The following CADM1 variants were observed in gnomAD, a reference collection of about 807,000 sequenced individuals.
The protein encoded by CADM1 is TSLC-1.
CADM1 carries 15 observed loss-of-function variants against 53.1 expected under a neutral mutation model. That is an observed-to-expected ratio of 0.28 (90% CI 0.19 to 0.44). The LOEUF is 0.44. Among genes scored for constraint, CADM1 ranks in the 20% least tolerant of loss-of-function variants. CADM1 has a pLI of 1.00. For synonymous variants in CADM1, 281 were observed against 243.0 expected, an observed-to-expected ratio of 1.16 and a Z score of -1.45; for missense variants, 434 against 611.3, an observed-to-expected ratio of 0.71 and a Z score of 3.06.
intron 1 of CADM1, among the ~76,000 whole-genome samples, chr11:115,433,131 C>A (rs914301402): frequency 3.3e-5 from 5 of 152,112 alleles, no homozygotes; most frequent in Admixed American, 1.3e-4. Context: ...GACCACCCCC[C>A]CACCCAAACA....
intron 1 of CADM1, among the ~76,000 whole-genome samples, chr11:115,329,332 T>A (rs1591713659): frequency 6.6e-6 from 1 of 152,186 alleles, no homozygotes; most frequent in Non-Finnish European, 1.5e-5. Flanking sequence ...TCCACAATAA[T>A]CTCCATCAGT....
chr11:115,373,916 C>T (rs1321691937), intron 1 of CADM1, among the ~76,000 whole-genome samples: 3 of 152,132 alleles, frequency 2.0e-5, no homozygotes, highest in Non-Finnish European at 2.9e-5. Flanking sequence ...GTGAAAGCTA[C>T]GTAGTCTTGA....
intron 1 of CADM1, among the ~76,000 whole-genome samples, chr11:115,400,312 A>G (rs1422063342): frequency 6.6e-6 from 1 of 151,762 alleles, no homozygotes; most frequent in East Asian, 1.9e-4. Context: ...CAAGTGAAAG[A>G]GTGTGGTTTT....
chr11:115,252,767 A>C (rs1942647676), intron 1 of CADM1, among the ~76,000 whole-genome samples: 1 of 152,214 alleles, frequency 6.6e-6, no homozygotes, highest in African/African-American at 2.4e-5. Context: ...TCAATATTTC[A>C]GATGCCAAAC....
At chr11:115,405,856 G>C (rs1276228012) in intron 1 of CADM1, among the ~76,000 whole-genome samples, 1 of 152,104 alleles carries the variant, frequency 6.6e-6, no homozygotes, top group African/African-American at 2.4e-5. Flanking sequence ...AGTAAATTCA[G>C]GATTATAGTT....
At chr11:115,352,770 A>G (rs1945769539) in intron 1 of CADM1, among the ~76,000 whole-genome samples, 1 of 152,122 alleles carries the variant, frequency 6.6e-6, no homozygotes, top group Admixed American at 6.6e-5. Context: ...TATGAAATAG[A>G]TATTATTATT....
chr11:115,355,863 G>A (rs1016740613), intron 1 of CADM1, among the ~76,000 whole-genome samples: 1 of 152,046 alleles, frequency 6.6e-6, no homozygotes, highest in Non-Finnish European at 1.5e-5. Flanking sequence ...ACGGAGTCTC[G>A]CCCTGTAGCC....
At chr11:115,468,829 G>C (rs1040923286) in intron 1 of CADM1, among the ~76,000 whole-genome samples, 1 of 152,142 alleles carries the variant, frequency 6.6e-6, no homozygotes. Flanking sequence ...AGGTATAATG[G>C]ACTAACAGCT....
At chr11:115,385,483 G>A (rs1304411736) in intron 1 of CADM1, among the ~76,000 whole-genome samples, 2 of 151,920 alleles carry the variant, frequency 1.3e-5, no homozygotes, top group African/African-American at 4.8e-5. Context: ...CTCTACTAAG[G>A]GACATGCATC....
At chr11:115,492,645 T>G (rs1949522250) in intron 1 of CADM1, among the ~76,000 whole-genome samples, 1 of 152,090 alleles carries the variant, frequency 6.6e-6, no homozygotes, top group Non-Finnish European at 1.5e-5. Context: ...TCTACAATGG[T>G]CTTGGTGGAG....
At chr11:115,415,858 T>C (rs1947584094) in intron 1 of CADM1, among the ~76,000 whole-genome samples, 1 of 150,220 alleles carries the variant, frequency 6.7e-6, no homozygotes, top group African/African-American at 2.4e-5. Context: ...AAAAAGACTT[T>C]GATTCTAAGT....
intron 4 of CADM1, among the ~76,000 whole-genome samples, chr11:115,229,534 T>C (rs779195595): frequency 2.6e-5 from 4 of 152,222 alleles, no homozygotes; most frequent in Non-Finnish European, 5.9e-5. Flanking sequence ...AAATATATTA[T>C]GTATGGTTTT....
chr11:115,404,345 AAATATATATATATAT>A (rs1468314584), intron 1 of CADM1, among the ~76,000 whole-genome samples: 5 of 40,786 alleles, frequency 1.2e-4, no homozygotes, highest in African/African-American at 3.5e-4. Flanking sequence ...AAAAAAAAAA[AAATATATATATATAT>A]ATATATATAT....
intron 1 of CADM1, among the ~76,000 whole-genome samples, chr11:115,274,934 T>C (rs1943403684): frequency 1.3e-5 from 2 of 152,166 alleles, no homozygotes; most frequent in South Asian, 4.1e-4. Flanking sequence ...CCCACGAATT[T>C]GTCTCAAGGC....
chr11:115,351,675 A>G (rs1401868058), intron 1 of CADM1, among the ~76,000 whole-genome samples: 2 of 152,224 alleles, frequency 1.3e-5, no homozygotes, highest in Non-Finnish European at 2.9e-5. Flanking sequence ...AAAATAAATT[A>G]TTAATCTTTT....
At chr11:115,227,985 T>A (rs917087387) in intron 5 of CADM1, among the ~76,000 whole-genome samples, 1 of 152,238 alleles carries the variant, frequency 6.6e-6, no homozygotes, top group African/African-American at 2.4e-5. Flanking sequence ...GATCTCAAGA[T>A]GAGGCCATTC....
intron 1 of CADM1, among the ~76,000 whole-genome samples, chr11:115,278,632 G>A (rs923634289): frequency 2.6e-5 from 4 of 152,196 alleles, no homozygotes; most frequent in Non-Finnish European, 4.4e-5. Flanking sequence ...ACATTCCACA[G>A]TGTATTCCAC....
chr11:115,463,473 C>G (rs1285472906), intron 1 of CADM1, among the ~76,000 whole-genome samples: 1 of 152,140 alleles, frequency 6.6e-6, no homozygotes, highest in African/African-American at 2.4e-5. Flanking sequence ...GAGTTCTTTT[C>G]ACCTAGACAC....
At chr11:115,288,987 A>C (rs1289786211) in intron 1 of CADM1, among the ~76,000 whole-genome samples, 5 of 152,278 alleles carry the variant, frequency 3.3e-5, no homozygotes, top group Non-Finnish European at 7.4e-5. Flanking sequence ...GGTTAGGATA[A>C]GGAACATGTT....
Sources: gnomAD v4.1 joint callset for allele counts (sites outside exome capture counted in the v4.1 genomes callset) on GRCh38, gnomAD v4.1.1 for gene constraint, MANE v1.5 for transcripts, NCBI Gene and HGNC (gene_info 2026-07-23, HGNC 2026-07-21) for gene names.